PPM1D: variants seen among roughly 807,000 people sequenced by gnomAD.
PPM1D encodes protein phosphatase 1D.
PPM1D carries 52 observed loss-of-function variants against 58.3 expected under a neutral mutation model. The ratio of observed to expected loss-of-function variants is 0.89; its 90% CI spans 0.71 to 1.12. PPM1D has a LOEUF of 1.12. PPM1D is among the 50% of genes most tolerant of loss of function. The pLI is 0.00. For synonymous variants in PPM1D, 278 were observed against 285.1 expected, an observed-to-expected ratio of 0.98 and a Z score of 0.25; for missense variants, 564 against 777.2, an observed-to-expected ratio of 0.73 and a Z score of 3.26.
At chr17:60,633,265 A>G (rs2030963204) in intron 2 of PPM1D, among the ~76,000 whole-genome samples, 1 of 152,206 alleles carries the variant, frequency 6.6e-6, no homozygotes, top group Middle Eastern at 3.2e-3. Context: ...AGCTTGGGCA[A>G]CAGAGTGAGA....
intron 1 of PPM1D, among the ~76,000 whole-genome samples, chr17:60,613,779 G>T (rs1416595577): frequency 6.6e-6 from 1 of 152,218 alleles, no homozygotes; most frequent in African/African-American, 2.4e-5. Flanking sequence ...CAGAGGGTGC[G>T]CCGGGTCCCC....
rs376238771 is a variant in PPM1D, at chr17:60,600,317, C to T, written c.-98C>T. 6.8e-7 allele frequency: 1 copy of T among 1,474,348 alleles called. No homozygotes were observed. Among genetic ancestry groups the T allele is most frequent in the East Asian group, 2.6e-5 (1 of 38,340 alleles). The allele number at this position is 1,474,348 out of a possible 1,614,324, so 91.3% of individuals were successfully genotyped here. On this transcript the variant is annotated 5_prime_UTR_variant, in exon 1 of 6. Coordinates refer to ENST00000305921, the MANE Select transcript of PPM1D (RefSeq NM_003620.4). ...GCCCCCTCCCCCTTCTCGGCGTCGT[C>T]GAAGATAAACAATAGTTGGCCGGCG...
chr17:60,611,055 C>G (rs1386928385), intron 1 of PPM1D, among the ~76,000 whole-genome samples: 1 of 152,178 alleles, frequency 6.6e-6, no homozygotes, highest in Non-Finnish European at 1.5e-5. Context: ...CTCTGTTGCC[C>G]TGTTGCCCAG....
At chr17:60,614,990 T>G (rs1176557669) in intron 1 of PPM1D, among the ~76,000 whole-genome samples, 1 of 152,212 alleles carries the variant, frequency 6.6e-6, no homozygotes, top group Non-Finnish European at 1.5e-5. Context: ...ATTACTACCT[T>G]TGTAACCTTC....
chr17:60,610,128 C>T (rs1002408615), intron 1 of PPM1D, among the ~76,000 whole-genome samples: 24 of 147,352 alleles, frequency 1.6e-4, no homozygotes, highest in African/African-American at 3.0e-4. Context: ...TGCAGTGAGC[C>T]GAGATCGTGC....
intron 4 of PPM1D, among the ~76,000 whole-genome samples, chr17:60,650,737 G>A (rs1435175773): frequency 6.6e-6 from 1 of 152,086 alleles, no homozygotes; most frequent in Admixed American, 6.6e-5. Flanking sequence ...TCAGACATAG[G>A]CATGTTGAGT....
chr17:60,633,426 A>G (rs1394632046), intron 2 of PPM1D, among the ~76,000 whole-genome samples: 1 of 152,130 alleles, frequency 6.6e-6, no homozygotes, highest in African/African-American at 2.4e-5. Context: ...TTATTTATTG[A>G]GACAAGAGTC....
At chr17:60,660,180 A>G (rs113390354) in intron 5 of PPM1D, among the ~76,000 whole-genome samples, 18 of 152,136 alleles carry the variant, frequency 1.2e-4, no homozygotes, top group South Asian at 6.2e-4. Flanking sequence ...TACTAAGAAT[A>G]CAAAAGTTAG....
Position 60,625,345 on chromosome 17 carries a change from T to A in PPM1D, c.701+1596T>A, listed in dbSNP as rs146243251. 2.3e-3 allele frequency among the ~76,000 whole-genome samples: 344 copies of A among 152,344 alleles called. 3 individuals are homozygous for A. The highest frequency in any genetic ancestry group is 8.1e-3 in the African/African-American group (338 of 41,574). ...AAAGAGATTCCTCTCAATATTTTTATTGAAATGGTTACCTTCTTGGTAAGA... is the reference window on the plus strand; with the variant it reads ...AAAGAGATTCCTCTCAATATTTTTAATGAAATGGTTACCTTCTTGGTAAGA... On this transcript the variant is annotated intron_variant, in intron 2 of 5. Coordinates refer to ENST00000305921, the MANE Select transcript of PPM1D (RefSeq NM_003620.4).
intron 1 of PPM1D, among the ~76,000 whole-genome samples, chr17:60,612,945 C>T (rs1027138733): frequency 9.9e-5 from 15 of 152,072 alleles, no homozygotes; most frequent in Non-Finnish European, 1.8e-4. Context: ...TTGAAGGATG[C>T]GACAGTGCTT....
At chr17:60,652,334 G>A (rs971047627) in intron 4 of PPM1D, among the ~76,000 whole-genome samples, 1 of 151,848 alleles carries the variant, frequency 6.6e-6, no homozygotes, top group East Asian at 1.9e-4. Context: ...TTCTATGGCC[G>A]AATACTATTT....
At chr17:60,649,410 C>T (rs78659387) in intron 4 of PPM1D, among the ~76,000 whole-genome samples, 7,090 of 151,516 alleles carry the variant, frequency 0.047, 586 homozygotes, top group African/African-American at 0.16. Flanking sequence ...CCATTCATTC[C>T]GGGCGCAGTA....
chr17:60,654,604 G>A (rs2031400910), intron 4 of PPM1D, among the ~76,000 whole-genome samples: 1 of 151,722 alleles, frequency 6.6e-6, no homozygotes, highest in Non-Finnish European at 1.5e-5. Flanking sequence ...GTTCACACCT[G>A]TAATTCCAGA....
At chr17:60,647,440 A>G (rs377339500) in intron 3 of PPM1D, among the ~76,000 whole-genome samples, 1 of 152,152 alleles carries the variant, frequency 6.6e-6, no homozygotes, top group Non-Finnish European at 1.5e-5. Context: ...CAACTTTGCT[A>G]AACTTTTCTA....
chr17:60,616,977 T>TG (rs1450359160), intron 1 of PPM1D, among the ~76,000 whole-genome samples: 1 of 152,190 alleles, frequency 6.6e-6, no homozygotes, highest in Non-Finnish European at 1.5e-5. Flanking sequence ...AGACTGAGTC[T>TG]TGCTCTGTCG....
At chr17:60,643,819 A>G (rs1598409629) in intron 3 of PPM1D, among the ~76,000 whole-genome samples, 2 of 151,990 alleles carry the variant, frequency 1.3e-5, no homozygotes, top group Non-Finnish European at 2.9e-5. Flanking sequence ...GAGCACGAGA[A>G]CAAGAGGAAA....
At chr17:60,610,630 G>A (rs1199285411) in intron 1 of PPM1D, among the ~76,000 whole-genome samples, 4 of 152,112 alleles carry the variant, frequency 2.6e-5, no homozygotes, top group Non-Finnish European at 5.9e-5. Flanking sequence ...TTTTTTTATT[G>A]GAGCACTGCC....
At chr17:60,614,010 G>T (rs906768574) in intron 1 of PPM1D, among the ~76,000 whole-genome samples, 4 of 152,182 alleles carry the variant, frequency 2.6e-5, no homozygotes, top group African/African-American at 9.7e-5. Flanking sequence ...GGGCCCAAGG[G>T]CTGAGGAGTG....
rs16944543 is a variant in PPM1D at position 60,600,504 on chromosome 17, G to A, written c.90G>A (p.Glu30=). The A allele has an allele frequency of 8.8e-3, 13,812 of 1,570,158 alleles. 1,058 individuals carry two copies. In the African/African-American group the frequency reaches 0.16, roughly 18 times the overall value. The part of the protein sequence containing the change: ...YMEDVTQIVV[E]PEPTAEEKPS... The stretch of plus-strand genomic sequence containing the variant: ...AGGACGTTACTCAAATCGTTGTGGA[G>A]CCCGAACCGACGGCTGAAGAAAAGC... Residue 30 remains glutamate (E), a synonymous_variant, in exon 1 of 6, where the codon GAG becomes GAA. Coordinates refer to ENST00000305921, the MANE Select transcript of PPM1D (RefSeq NM_003620.4).
Sources: allele counts gnomAD v4.1 joint callset (sites outside exome capture counted in the v4.1 genomes callset), GRCh38; gene constraint gnomAD v4.1.1; transcripts MANE v1.5; gene names NCBI Gene and HGNC (gene_info 2026-07-23, HGNC 2026-07-21).